PID1: variants seen among roughly 807,000 people sequenced by gnomAD.
PID1 encodes PTB-containing, cubilin and LRP1-interacting protein.
A neutral mutation model predicts 19.1 loss-of-function variants in PID1; 10 were observed. The ratio of observed to expected loss-of-function variants is 0.52; its 90% CI spans 0.32 to 0.89. The LOEUF (loss-of-function observed/expected upper bound fraction) is 0.89, where lower values mean the gene tolerates loss of function less well. Ranked by LOEUF, PID1 falls within the 40% of genes least tolerant of loss-of-function variation. PID1 has a pLI of 0.03. For synonymous variants in PID1, 130 were observed against 116.0 expected (o/e 1.12, Z -0.78); for missense variants, 248 against 285.3 (o/e 0.87, Z 0.94).
chr2:229,233,555 G>A (rs768957374), intron 1 of PID1, among the ~76,000 whole-genome samples: 14 of 149,970 alleles, frequency 9.3e-5, no homozygotes, highest in Non-Finnish European at 1.8e-4. Flanking sequence ...GCAGTGGAGC[G>A]ATCTTGGCTC....
At chr2:229,131,020 C>T (rs1282671679) in intron 2 of PID1, among the ~76,000 whole-genome samples, 1 of 152,114 alleles carries the variant, frequency 6.6e-6, no homozygotes, top group Non-Finnish European at 1.5e-5. Flanking sequence ...CCCACCATAT[C>T]GGATCAAGGT....
At chr2:229,041,816 A>G (rs1221822453) in intron 2 of PID1, among the ~76,000 whole-genome samples, 1 of 152,118 alleles carries the variant, frequency 6.6e-6, no homozygotes, top group African/African-American at 2.4e-5. Context: ...ACAAATCCAA[A>G]TGGAAGGGCA....
intron 1 of PID1, among the ~76,000 whole-genome samples, chr2:229,173,068 C>T (rs1690743119): frequency 6.6e-6 from 1 of 152,064 alleles, no homozygotes; most frequent in African/African-American, 2.4e-5. Context: ...ACTATTCAGC[C>T]CAAAACAGAA....
At chr2:229,236,522 G>A (rs1311544703) in intron 1 of PID1, 1 of 152,128 alleles carries the variant, frequency 6.6e-6, no homozygotes, top group African/African-American at 2.4e-5. Flanking sequence ...AAGGAGAAAG[G>A]AGCAGCCCAG....
intron 1 of PID1, among the ~76,000 whole-genome samples, chr2:229,264,154 T>C (rs1419403413): frequency 6.6e-6 from 1 of 152,312 alleles, no homozygotes; most frequent in Admixed American, 6.5e-5. Context: ...CCACGCTATA[T>C]AACCTTCTAG....
intron 2 of PID1, among the ~76,000 whole-genome samples, chr2:229,089,364 G>A (rs4972884): frequency 0.41 from 62,877 of 152,000 alleles, 15,334 homozygotes; most frequent in African/African-American, 0.69. Context: ...CCCCTCAAAC[G>A]CTTAAGCCCT....
chr2:229,203,436 C>T (rs6748089), intron 1 of PID1, among the ~76,000 whole-genome samples: 36,141 of 151,934 alleles, frequency 0.24, 4,520 homozygotes, highest in Non-Finnish European at 0.28. Context: ...TTTTCTTTAA[C>T]AACTTTTCTT....
rs1445700615 is a variant in PID1 at position 229,184,476 on chromosome 2, C to A, written c.31-28512G>T. 4.3e-3 allele frequency among the ~76,000 whole-genome samples: 69 copies of A among 16,126 alleles called. 29 individuals carry two copies. In the African/African-American group the frequency reaches 0.044, roughly 10 times the overall value. The allele number at this position is 16,126 out of a possible 152,430, so 10.6% of individuals were successfully genotyped here. A position where few individuals can be genotyped will look rare whatever the true frequency, so the allele number is the denominator to read the frequency against. ...ATATATATAGCCCGTATATATATAT[C>A]CCGTATATATATATACCGTATATAT... On this transcript the variant is annotated intron_variant, in intron 1 of 2. Transcript: ENST00000392055.
At chr2:229,045,041 C>A (rs1693846722) in intron 2 of PID1, among the ~76,000 whole-genome samples, 1 of 152,024 alleles carries the variant, frequency 6.6e-6, no homozygotes, top group Non-Finnish European at 1.5e-5. Context: ...GCAACCTCTG[C>A]CTCCCAGATT....
intron 2 of PID1, among the ~76,000 whole-genome samples, chr2:229,071,584 A>C (rs1230662253): frequency 6.6e-6 from 1 of 152,212 alleles, no homozygotes; most frequent in East Asian, 1.9e-4. Context: ...ATAAGTAACA[A>C]TGCTTTGTTT....
intron 1 of PID1, among the ~76,000 whole-genome samples, chr2:229,204,271 T>C (rs933067922): frequency 2.6e-5 from 4 of 152,090 alleles, no homozygotes. Context: ...GACTTTTAAA[T>C]GAGTACTTAG....
intron 2 of PID1, among the ~76,000 whole-genome samples, chr2:229,107,818 T>G (rs1228912266): frequency 6.6e-6 from 1 of 152,208 alleles, no homozygotes; most frequent in African/African-American, 2.4e-5. Flanking sequence ...GGAAGCTTGT[T>G]AGAAAATGCA....
intron 1 of PID1, among the ~76,000 whole-genome samples, chr2:229,172,830 C>T (rs575460771): frequency 1.3e-5 from 2 of 152,222 alleles, no homozygotes; most frequent in East Asian, 1.9e-4. Flanking sequence ...CTCCTGGGTT[C>T]GAGCAATTCT....
At chr2:229,030,260 G>A (rs1367871581) in intron 2 of PID1, among the ~76,000 whole-genome samples, 3 of 152,166 alleles carry the variant, frequency 2.0e-5, no homozygotes, top group Admixed American at 2.0e-4. Context: ...GATTGGGGGA[G>A]GGACGAATGA....
chr2:229,157,588 C>A (rs1041766567), intron 1 of PID1, among the ~76,000 whole-genome samples: 1 of 152,090 alleles, frequency 6.6e-6, no homozygotes, highest in Non-Finnish European at 1.5e-5. Flanking sequence ...TAGTGATGCC[C>A]CATAAAGACA....
chr2:229,242,011 GT>G (rs201477735), intron 1 of PID1, among the ~76,000 whole-genome samples: 2 of 68,632 alleles, frequency 2.9e-5, no homozygotes, highest in Admixed American at 2.4e-4. Flanking sequence ...GTAAATCAGT[GT>G]TTTTGTTTTT....
At chr2:229,140,394 C>G (rs944448995) in intron 2 of PID1, among the ~76,000 whole-genome samples, 5 of 152,054 alleles carry the variant, frequency 3.3e-5, no homozygotes, top group African/African-American at 9.7e-5. Flanking sequence ...CATTCGCTCA[C>G]TGCAGTGAAG....
chr2:229,051,781 G>A (rs1694001548), intron 2 of PID1, among the ~76,000 whole-genome samples: 5 of 152,204 alleles, frequency 3.3e-5, no homozygotes, highest in Admixed American at 2.6e-4. Context: ...TCTGCAAACT[G>A]TTGTGCCCCA....
At chr2:229,122,790 A>T (rs1695548336) in intron 2 of PID1, among the ~76,000 whole-genome samples, 1 of 152,188 alleles carries the variant, frequency 6.6e-6, no homozygotes, top group Non-Finnish European at 1.5e-5. Flanking sequence ...GAAATGAGGC[A>T]TCTCAGTGTA....
Sources: gnomAD v4.1 joint callset for allele counts (sites outside exome capture counted in the v4.1 genomes callset) on GRCh38, gnomAD v4.1.1 for gene constraint, MANE v1.5 for transcripts, NCBI Gene and HGNC (gene_info 2026-07-23, HGNC 2026-07-21) for gene names.